Variants in MARCHF1 observed in about 807,000 individuals in gnomAD.
MARCHF1 encodes the protein membrane associated ring-CH-type finger 1.
MARCHF1 carries 40 observed loss-of-function variants against 54.2 expected under a neutral mutation model. The observed-to-expected ratio is 0.74, with a 90% CI of 0.57 to 0.96. The LOEUF is 0.96. MARCHF1 is among the 40% of genes least tolerant of loss of function. The pLI is 0.00. For synonymous variants in MARCHF1, 236 were observed against 236.3 expected, an observed-to-expected ratio of 1.00 and a Z score of 0.01; for missense variants, 586 against 656.5, an observed-to-expected ratio of 0.89 and a Z score of 1.17.
chr4:164,346,430 A>AT (rs1730099260), intron 1 of MARCHF1, among the ~76,000 whole-genome samples: 1 of 151,964 alleles, frequency 6.6e-6, no homozygotes, highest in Admixed American at 6.6e-5. Flanking sequence ...GAGCAGATAA[A>AT]TCTGAGTTGC....
chr4:163,891,745 CA>C (rs758741015), intron 3 of MARCHF1, among the ~76,000 whole-genome samples: 3 of 152,144 alleles, frequency 2.0e-5, no homozygotes, highest in Non-Finnish European at 4.4e-5. Context: ...AGAGCTAAAG[CA>C]GGTTACTGCA....
At chr4:164,050,256 C>T (rs541604818) in intron 2 of MARCHF1, among the ~76,000 whole-genome samples, 9 of 111,530 alleles carry the variant, frequency 8.1e-5, no homozygotes, top group South Asian at 3.2e-4. Flanking sequence ...GCCTGGGCGA[C>T]GGAGCGAGAC....
chr4:163,757,414 C>T (rs1746708514), intron 4 of MARCHF1, among the ~76,000 whole-genome samples: 1 of 152,204 alleles, frequency 6.6e-6, no homozygotes, highest in African/African-American at 2.4e-5. Context: ...ACATCCTGAA[C>T]ATTAGCAATA....
intron 4 of MARCHF1, among the ~76,000 whole-genome samples, chr4:163,827,715 A>G (rs886398703): frequency 6.6e-6 from 1 of 152,132 alleles, no homozygotes; most frequent in Admixed American, 6.6e-5. Context: ...ATGCTTTGTA[A>G]GTTACAGGTA....
chr4:163,648,347 T>G (rs1742834647), intron 5 of MARCHF1, among the ~76,000 whole-genome samples: 1 of 151,936 alleles, frequency 6.6e-6, no homozygotes. Flanking sequence ...GTGAGACTAA[T>G]TTTGGACATG....
At chr4:164,117,264 A>T (rs1579548824) in intron 1 of MARCHF1, among the ~76,000 whole-genome samples, 1 of 152,238 alleles carries the variant, frequency 6.6e-6, no homozygotes, top group African/African-American at 2.4e-5. Context: ...TCTCAAAAAA[A>T]TAAAAAATAA....
At chr4:164,011,267 T>A (rs116681177) in intron 2 of MARCHF1, among the ~76,000 whole-genome samples, 2 of 152,090 alleles carry the variant, frequency 1.3e-5, no homozygotes, top group South Asian at 4.1e-4. Flanking sequence ...AATTGACAAA[T>A]GAGATCATAT....
At chr4:163,593,709 G>A (rs181602660) in intron 7 of MARCHF1, among the ~76,000 whole-genome samples, 1 of 152,252 alleles carries the variant, frequency 6.6e-6, no homozygotes, top group Admixed American at 6.5e-5. Context: ...ATGGATAATT[G>A]ACAAAGCAGG....
At chr4:164,196,318 T>G (rs1471953103) in intron 1 of MARCHF1, among the ~76,000 whole-genome samples, 1 of 152,180 alleles carries the variant, frequency 6.6e-6, no homozygotes, top group African/African-American at 2.4e-5. Context: ...TTCTTTGCAA[T>G]GATTTTGCAT....
chr4:163,848,953 A>G (rs1034922305), intron 4 of MARCHF1, among the ~76,000 whole-genome samples: 1 of 152,230 alleles, frequency 6.6e-6, no homozygotes, highest in Non-Finnish European at 1.5e-5. Context: ...TAAGTCAGTC[A>G]ATGCAGAGCA....
At chr4:163,653,379 A>C (rs1743035919) in intron 5 of MARCHF1, among the ~76,000 whole-genome samples, 2 of 151,788 alleles carry the variant, frequency 1.3e-5, no homozygotes, top group African/African-American at 4.8e-5. Flanking sequence ...GTTTGATGGA[A>C]ACCCATTGAA....
chr4:164,017,417 A>C lies in MARCHF1; in HGVS notation c.-247-28708T>G, dbSNP rs566445192. Among the ~76,000 whole-genome samples the C allele has an allele frequency of 2.0e-5, 3 of 152,190 alleles. No homozygotes were observed. In the East Asian group the frequency reaches 5.8e-4, roughly 29 times the overall value. ...TAAAAACATAATCAGTTCTATAGAA[A>C]AGTCTAATGAACCTCACAGAAAGAA... On this transcript the variant is annotated intron_variant, in intron 2 of 9. Coordinates refer to ENST00000514618, the MANE Select transcript of MARCHF1 (RefSeq NM_001394959.1).
intron 4 of MARCHF1, among the ~76,000 whole-genome samples, chr4:163,774,009 C>T (rs1325610399): frequency 6.6e-6 from 1 of 152,050 alleles, no homozygotes; most frequent in Non-Finnish European, 1.5e-5. Flanking sequence ...TCAGTTCTGC[C>T]TAACTAGCTT....
intron 3 of MARCHF1, among the ~76,000 whole-genome samples, chr4:163,963,815 G>A (rs1040611392): frequency 6.6e-6 from 1 of 151,880 alleles, no homozygotes; most frequent in Non-Finnish European, 1.5e-5. Flanking sequence ...GGCCCTGAAG[G>A]ATGAAATACT....
intron 2 of MARCHF1, among the ~76,000 whole-genome samples, chr4:164,042,560 T>A (rs1352664612): frequency 6.6e-6 from 1 of 152,150 alleles, no homozygotes; most frequent in Admixed American, 6.5e-5. Flanking sequence ...CCTTCTCCAA[T>A]TCAACATGAG....
intron 4 of MARCHF1, among the ~76,000 whole-genome samples, chr4:163,727,408 C>T (rs917715141): frequency 3.3e-5 from 5 of 151,494 alleles, no homozygotes; most frequent in East Asian, 1.9e-4. Context: ...CCCAGGTTCA[C>T]GCCATTCTCC....
chr4:163,742,305 C>T (rs1746219565), intron 4 of MARCHF1, among the ~76,000 whole-genome samples: 1 of 151,728 alleles, frequency 6.6e-6, no homozygotes, highest in African/African-American at 2.4e-5. Context: ...AAGGGATTAA[C>T]TCTTCTTTCC....
At chr4:164,238,901 T>C (rs1419603551) in intron 1 of MARCHF1, among the ~76,000 whole-genome samples, 2 of 152,024 alleles carry the variant, frequency 1.3e-5, no homozygotes, top group Non-Finnish European at 2.9e-5. Context: ...ATAGAAATAA[T>C]ATACTTGACT....
chr4:164,022,966 G>A (rs892669906), intron 2 of MARCHF1, among the ~76,000 whole-genome samples: 1 of 152,222 alleles, frequency 6.6e-6, no homozygotes, highest in Non-Finnish European at 1.5e-5. Flanking sequence ...CTGGCAGCTA[G>A]AGCATCATTC....
Sources: gnomAD v4.1 joint callset for allele counts (sites outside exome capture counted in the v4.1 genomes callset) on GRCh38, gnomAD v4.1.1 for gene constraint, MANE v1.5 for transcripts, NCBI Gene and HGNC (gene_info 2026-07-23, HGNC 2026-07-21) for gene names.